Variants in CCDC102B observed in about 807,000 individuals in gnomAD.
CCDC102B encodes the protein coiled-coil domain containing 102B.
A neutral mutation model predicts 57.4 loss-of-function variants in CCDC102B; 75 were observed. The ratio of observed to expected loss-of-function variants is 1.31; its 90% CI spans 1.08 to 1.58. The LOEUF (loss-of-function observed/expected upper bound fraction) is 1.58, where lower values mean the gene tolerates loss of function less well. Ranked by LOEUF, CCDC102B falls within the 40% of genes most tolerant of loss-of-function variation. CCDC102B has a pLI of 0.00. For missense variants in CCDC102B, 636 were observed against 582.6 expected, an observed-to-expected ratio of 1.09 and a Z score of -0.94; for synonymous variants, 206 against 201.9, an observed-to-expected ratio of 1.02 and a Z score of -0.17.
intron 2 of CCDC102B, among the ~76,000 whole-genome samples, chr18:68,737,430 T>A (rs1018604299): frequency 1.4e-5 from 2 of 138,936 alleles, no homozygotes; most frequent in African/African-American, 5.4e-5. Context: ...TAGATTCTCC[T>A]CCCCATTGAC....
intron 6 of CCDC102B, chr18:68,899,998 A>G (rs2040383825): frequency 6.6e-6 from 1 of 152,180 alleles, no homozygotes; most frequent in Non-Finnish European, 1.5e-5. Flanking sequence ...ATGCAATAAT[A>G]CACTTGAACT....
At chr18:68,902,050 A>T (rs1215390188) in intron 6 of CCDC102B, 1 of 152,230 alleles carries the variant, frequency 6.6e-6, no homozygotes, top group African/African-American at 2.4e-5. Flanking sequence ...CTGCACTTTG[A>T]ATAGCAAGCA....
chr18:68,962,930 C>G (rs2050079972), intron 6 of CCDC102B, among the ~76,000 whole-genome samples: 1 of 151,980 alleles, frequency 6.6e-6, no homozygotes, highest in Admixed American at 6.6e-5. Context: ...CTTAGGGAAT[C>G]TAAACAATTC....
intron 6 of CCDC102B, among the ~76,000 whole-genome samples, chr18:68,939,707 A>G (rs2049329410): frequency 6.6e-6 from 1 of 151,748 alleles, no homozygotes. Flanking sequence ...TTTTCATTGT[A>G]TTTTGTTTTT....
chr18:68,846,440 T>A lies in CCDC102B; in HGVS notation c.936+19T>A, dbSNP rs2037864261. The A allele has an allele frequency of 1.4e-6, 2 of 1,439,076 alleles. No individual in the cohort carries two copies. The highest frequency in any genetic ancestry group is 1.9e-6 in the Non-Finnish European group (2 of 1,051,482). 89.1% of individuals were successfully genotyped at this position (1,439,076 alleles called of 1,614,324 possible). ...GAAAGAGGTATGGGGGAATATGATG[T>A]AAAGGAAGAAATGAAGCCTAGCTTT... On this transcript the variant is annotated intron_variant, in intron 4 of 7. Coordinates refer to ENST00000360242, the MANE Select transcript of CCDC102B (RefSeq NM_024781.3).
chr18:68,795,043 A>AG (rs11417961), upstream of CCDC102B, among the ~76,000 whole-genome samples: 2 of 150,044 alleles, frequency 1.3e-5, no homozygotes, highest in South Asian at 4.3e-4. Context: ...AAAAAAAAAA[A>AG]TGTTGTGGTA....
intron 6 of CCDC102B, among the ~76,000 whole-genome samples, chr18:68,952,639 G>T (rs1021139094): frequency 6.6e-5 from 10 of 152,088 alleles, no homozygotes; most frequent in African/African-American, 2.2e-4. Context: ...ATAAAAGTTT[G>T]ATCAAGCCAA....
intron 6 of CCDC102B, among the ~76,000 whole-genome samples, chr18:68,955,875 T>C (rs2049831466): frequency 6.6e-6 from 1 of 152,070 alleles, no homozygotes; most frequent in Non-Finnish European, 1.5e-5. Flanking sequence ...AATAAGGTAC[T>C]CATCAGCTCA....
At chr18:68,907,750 AT>A (rs796221320) in intron 6 of CCDC102B, among the ~76,000 whole-genome samples, 12 of 152,230 alleles carry the variant, frequency 7.9e-5, no homozygotes, top group African/African-American at 2.9e-4. Context: ...GTTTTACTTT[AT>A]GCTTTGCAAT....
chr18:68,914,135 C>T (rs940786968), intron 6 of CCDC102B, among the ~76,000 whole-genome samples: 1 of 152,116 alleles, frequency 6.6e-6, no homozygotes, highest in Non-Finnish European at 1.5e-5. Flanking sequence ...TACAGTATGT[C>T]CTCAAATAAT....
At chr18:69,015,392 G>T (rs1026979342) in intron 7 of CCDC102B, among the ~76,000 whole-genome samples, 3 of 152,166 alleles carry the variant, frequency 2.0e-5, no homozygotes. Context: ...CACTGTTTCG[G>T]ATAGTTAGGA....
chr18:68,818,579 G>T (rs6566388), intron 1 of CCDC102B, among the ~76,000 whole-genome samples: 65,591 of 151,866 alleles, frequency 0.43, 15,459 homozygotes, highest in East Asian at 0.86. Flanking sequence ...ATTCTGAGTT[G>T]TCGTGAGTAG....
chr18:68,820,462 T>C lies in CCDC102B; in HGVS notation c.-15-16287T>C, dbSNP rs977715599. 4.6e-5 allele frequency among the ~76,000 whole-genome samples: 7 copies of C among 152,244 alleles called. No homozygotes were observed. In the East Asian group the frequency reaches 1.4e-3, roughly 29 times the overall value. ...AAATTTCTCTTGCTAACATTTCTAT[T>C]AGGGCGTTTATGTCAGCTTGAGAGA... On this transcript the variant is annotated intron_variant, in intron 1 of 7. Transcript: ENST00000360242.
At chr18:68,941,372 A>T (rs568442185) in intron 6 of CCDC102B, among the ~76,000 whole-genome samples, 8 of 152,142 alleles carry the variant, frequency 5.3e-5, no homozygotes, top group East Asian at 3.9e-4. Context: ...CTTATTTATT[A>T]AGGATCTGAG....
intron 1 of CCDC102B, among the ~76,000 whole-genome samples, chr18:68,811,688 G>A (rs148520958): frequency 1.7e-4 from 26 of 152,202 alleles, no homozygotes; most frequent in African/African-American, 6.0e-4. Context: ...GAAAGAGGGA[G>A]TTTTCAACAA....
intron 2 of CCDC102B, among the ~76,000 whole-genome samples, chr18:68,752,405 G>T (rs2033888540): frequency 6.6e-6 from 1 of 151,014 alleles, no homozygotes; most frequent in Non-Finnish European, 1.5e-5. Flanking sequence ...CCCAGTGAAG[G>T]CCAGGGAAAG....
chr18:68,755,084 T>C (rs1418809750), intron 2 of CCDC102B: 1 of 152,236 alleles, frequency 6.6e-6, no homozygotes, highest in Non-Finnish European at 1.5e-5. Flanking sequence ...TTAAAGTTTT[T>C]CTCTATTCTT....
intron 2 of CCDC102B, among the ~76,000 whole-genome samples, chr18:68,726,059 T>C (rs1396725075): frequency 6.6e-6 from 1 of 152,180 alleles, no homozygotes; most frequent in African/African-American, 2.4e-5. Context: ...TTTAGGGGAA[T>C]GGGGAGATGC....
chr18:68,828,798 A>C (rs1286978603), intron 1 of CCDC102B, among the ~76,000 whole-genome samples: 2 of 151,772 alleles, frequency 1.3e-5, no homozygotes, highest in Non-Finnish European at 3.0e-5. Context: ...CATTATGTGA[A>C]TATATATTTA....
Sources: allele counts gnomAD v4.1 joint callset (sites outside exome capture counted in the v4.1 genomes callset), GRCh38; gene constraint gnomAD v4.1.1; transcripts MANE v1.5; gene names NCBI Gene and HGNC (gene_info 2026-07-23, HGNC 2026-07-21).